PAGE2B: variants seen among roughly 807,000 people sequenced by gnomAD.
The protein encoded by PAGE2B is putative G antigen family E member 3.
In PAGE2B, 5 loss-of-function variants were observed where a neutral mutation model predicts 7.6. The observed-to-expected ratio is 0.66, with a 90% CI of 0.34 to 1.38. The LOEUF (loss-of-function observed/expected upper bound fraction) is 1.38. Ranked by LOEUF, PAGE2B falls within the 40% of genes most tolerant of loss-of-function variation. The pLI, the probability that PAGE2B is intolerant of heterozygous loss-of-function variation, is 0.04. For synonymous variants in PAGE2B, 29 were observed against 26.7 expected, an observed-to-expected ratio of 1.09 and a Z score of -0.27; for missense variants, 70 against 78.4, an observed-to-expected ratio of 0.89 and a Z score of 0.41.
At chrX:55,032,835 AT>A in the PAGE2B span, among the ~76,000 whole-genome samples, 2 of 111,838 alleles carry the variant, frequency 1.8e-5, no homozygotes, top group East Asian at 5.6e-4. Context: ...GTATTTAACC[AT>A]TTTTAAAACT....
chrX:55,069,595 T>C, the PAGE2B span, among the ~76,000 whole-genome samples: 2 of 111,503 alleles, frequency 1.8e-5, no homozygotes, highest in Admixed American at 1.9e-4. Context: ...TTTCTATTAT[T>C]TGGAGTAGTT....
At chrX:55,076,372 ATGTATGTATG>A (rs1936516145) in intron 2 of PAGE2B, among the ~76,000 whole-genome samples, 187 bp from the exon 3 acceptor site, 2 of 102,259 alleles carry the variant, frequency 2.0e-5, no homozygotes, top group African/African-American at 8.2e-5. Context: ...ATATGTATAT[ATGTATGTATG>A]TATGTATATA....
rs1051345417 is a variant in PAGE2B, at chrX:55,076,430, ATATATACATATATG to A, written c.85-125_85-112del. ...TATGTATGTATATACGTATGTATGT[ATATATACATATATG>A]TATATACATATATATGTGTTTATAT... On this transcript the variant is annotated intron_variant, in intron 2 of 4. Transcript: ENST00000374971. 3.2e-5 allele frequency: 18 copies of A among 563,861 alleles called. No homozygotes were observed. In the African/African-American group the frequency reaches 3.8e-4, roughly 12 times the overall value. The allele number at this position is 563,861 out of a possible 1,213,427, so 46.5% of individuals were successfully genotyped here. A position where few individuals can be genotyped will look rare whatever the true frequency, so the allele number is the denominator to read the frequency against.
chrX:55,030,309 C>A, the PAGE2B span, among the ~76,000 whole-genome samples: 4 of 111,557 alleles, frequency 3.6e-5, no homozygotes, highest in Admixed American at 3.8e-4. Context: ...CTTCCACTTT[C>A]TTCACTTATT....
At chrX:55,065,026 C>A in the PAGE2B span, among the ~76,000 whole-genome samples, 1 of 111,766 alleles carries the variant, frequency 8.9e-6, no homozygotes, top group African/African-American at 3.2e-5. Context: ...TATTCTGAAG[C>A]TGTTGGATAA....
chrX:55,041,627 C>T, the PAGE2B span, among the ~76,000 whole-genome samples: 36 of 111,925 alleles, frequency 3.2e-4, no homozygotes, highest in African/African-American at 1.1e-3. Flanking sequence ...TAAACTGCCC[C>T]TACATGTGGG....
the PAGE2B span, among the ~76,000 whole-genome samples, chrX:55,065,544 T>C: frequency 8.9e-6 from 1 of 111,772 alleles, no homozygotes; most frequent in Admixed American, 9.5e-5. Flanking sequence ...CATTCAATGT[T>C]ATTATTGATA....
the PAGE2B span, among the ~76,000 whole-genome samples, chrX:55,051,860 G>A: frequency 8.9e-5 from 10 of 112,116 alleles, no homozygotes; most frequent in South Asian, 3.7e-4. Flanking sequence ...GATGAGCTGC[G>A]TTCCTTTGGA....
chrX:55,073,098 G>A (rs1936466046), upstream of PAGE2B, among the ~76,000 whole-genome samples: 1 of 111,245 alleles, frequency 9.0e-6, no homozygotes. Flanking sequence ...CCGGGTTCCA[G>A]GTGCTACTGG....
At chrX:55,053,023 T>C in the PAGE2B span, among the ~76,000 whole-genome samples, 1 of 112,968 alleles carries the variant, frequency 8.9e-6, no homozygotes, top group South Asian at 3.6e-4. Flanking sequence ...TTTGTACTTC[T>C]ACAATGTGGC....
the PAGE2B span, among the ~76,000 whole-genome samples, chrX:55,036,336 T>C: frequency 4.5e-5 from 5 of 111,050 alleles, no homozygotes; most frequent in Admixed American, 4.8e-4. Flanking sequence ...TCCAACACTA[T>C]GTTGAATAGG....
the PAGE2B span, among the ~76,000 whole-genome samples, chrX:55,050,479 A>T: frequency 9.2e-6 from 1 of 109,169 alleles, no homozygotes; most frequent in African/African-American, 3.4e-5. Context: ...TTGCTTTATG[A>T]ATCTGGGTGC....
the PAGE2B span, among the ~76,000 whole-genome samples, chrX:55,036,341 A>C: frequency 9.0e-6 from 1 of 110,932 alleles, no homozygotes; most frequent in East Asian, 2.8e-4. Context: ...CACTATGTTG[A>C]ATAGGAGTGG....
intron 3 of PAGE2B, 131 bp from the exon 4 acceptor site, chrX:55,077,268 C>T (rs1170522014): frequency 7.5e-6 from 8 of 1,071,915 alleles, no homozygotes; most frequent in South Asian, 2.3e-5. Context: ...TCCTGTTTTC[C>T]TGGCAGCAGA....
upstream of PAGE2B, among the ~76,000 whole-genome samples, chrX:55,072,826 G>A (rs960079031): frequency 2.7e-5 from 3 of 112,016 alleles, no homozygotes; most frequent in African/African-American, 6.5e-5. Flanking sequence ...GCTGTGATGA[G>A]TTTCACCCAT....
At chrX:55,031,366 T>C in the PAGE2B span, among the ~76,000 whole-genome samples, 1 of 111,537 alleles carries the variant, frequency 9.0e-6, no homozygotes, top group Non-Finnish European at 1.9e-5. Flanking sequence ...AGTGTTGTGC[T>C]TATGAGCTCA....
At chrX:55,071,394 T>C (rs1000452185), upstream of PAGE2B, among the ~76,000 whole-genome samples, 3 of 111,964 alleles carry the variant, frequency 2.7e-5, no homozygotes, top group African/African-American at 9.7e-5. Flanking sequence ...TCTTCTGGCT[T>C]ATAGGGTTTC....
chrX:55,077,219 C>T (rs911641912), intron 3 of PAGE2B, among the ~76,000 whole-genome samples, 180 bp from the exon 4 acceptor site: 6 of 112,062 alleles, frequency 5.4e-5, no homozygotes, highest in African/African-American at 1.6e-4. Context: ...TAGGGCCAGC[C>T]TTGGGAAAGG....
At chrX:55,050,554 A>G in the PAGE2B span, among the ~76,000 whole-genome samples, 1 of 110,412 alleles carries the variant, frequency 9.1e-6, no homozygotes, top group Non-Finnish European at 1.9e-5. Flanking sequence ...TCCCTTTACC[A>G]TTATGTAATG....
Sources: allele counts gnomAD v4.1 joint callset (sites outside exome capture counted in the v4.1 genomes callset), GRCh38; gene constraint gnomAD v4.1.1; transcripts MANE v1.5; gene names NCBI Gene and HGNC (gene_info 2026-07-23, HGNC 2026-07-21).